Variants in CAVIN1 observed in about 807,000 individuals in gnomAD.
CAVIN1 encodes the protein caveolae associated protein 1.
CAVIN1 carries 16 observed loss-of-function variants against 24.0 expected under a neutral mutation model. The observed-to-expected ratio is 0.67, with a 90% confidence interval of 0.45 to 1.01. The LOEUF (loss-of-function observed/expected upper bound fraction) is 1.01. CAVIN1 is among the 50% of genes least tolerant of loss of function. CAVIN1 has a pLI of 0.00. For missense variants in CAVIN1, 510 were observed against 551.7 expected (o/e 0.92, Z 0.76); for synonymous variants, 256 against 256.4 (o/e 1.00, Z 0.02).
At chr17:42,414,468 G>T (rs761340435) in intron 1 of CAVIN1, among the ~76,000 whole-genome samples, 5 of 151,594 alleles carry the variant, frequency 3.3e-5, no homozygotes, top group Non-Finnish European at 5.9e-5. Context: ...CAAACTCCTA[G>T]TCTCAAGCAA....
chr17:42,404,513 C>A lies in CAVIN1; in HGVS notation c.*174G>T. 1 of 486,204 alleles carries A rather than the reference C, an allele frequency of 2.1e-6. No individual in the cohort carries two copies. Among genetic ancestry groups the A allele is most frequent in the South Asian group, 3.0e-5 (1 of 33,002 alleles). 30.1% of individuals were successfully genotyped at this position (486,204 alleles called of 1,614,324 possible). A position where few individuals can be genotyped will look rare whatever the true frequency, so the allele number is the denominator to read the frequency against. On this transcript the variant is annotated 3_prime_UTR_variant, in exon 2 of 2. Transcript: ENST00000357037. ...AAGCGGGGGTTGTCCACTGCGGGGG[C>A]TGCCTCCCCATCGGGTCCTAACAGC...
chr17:42,421,064 C>T (rs918711994), intron 1 of CAVIN1, among the ~76,000 whole-genome samples: 1 of 152,096 alleles, frequency 6.6e-6, no homozygotes, highest in Non-Finnish European at 1.5e-5. Context: ...CTAAATAGTG[C>T]TTAAGTAGGG....
Position 42,423,048 on chromosome 17 carries a change from G to T in CAVIN1, c.50C>A (p.Pro17His). Residue 17 changes from proline to histidine, a missense_variant, in exon 1 of 2, where the codon CCC becomes CAC. By Grantham distance (77) the Pro-to-His change is moderately conservative. Coordinates refer to ENST00000357037, the MANE Select transcript of CAVIN1 (RefSeq NM_012232.6). Reference protein sequence around the residue: ...YIVERPLPGYPDAEAPEPSSA... With the variant: ...YIVERPLPGYHDAEAPEPSSA... ...GGAAGGCTCCGGGGCCTCGGCGTCG[G>T]GGTACCCGGGAAGCGGCCGCTCGAC... 6.2e-7 allele frequency: 1 copy of T among 1,609,378 alleles called. No homozygotes were observed. The highest frequency in any genetic ancestry group is 8.5e-7 in the Non-Finnish European group (1 of 1,178,424).
In CAVIN1 at chr17:42,422,967, A is replaced by G. The variant is rs1423821820; in HGVS notation, c.131T>C (p.Ile44Thr). Residue 44 changes from isoleucine (I) to threonine (T), a missense_variant, in exon 1 of 2, where the codon ATC (isoleucine) becomes ACC (threonine). Coordinates refer to ENST00000357037, the MANE Select transcript of CAVIN1 (RefSeq NM_012232.6). ...CACGCCGTTCACCTGGTCCGACTTGATCAGCTCTTCTGAGCCGGCCCCCGA... is the reference window on the plus strand; with the variant it reads ...CACGCCGTTCACCTGGTCCGACTTGGTCAGCTCTTCTGAGCCGGCCCCCGA... ...EPSGAGSEELIKSDQVNGVLV... is the reference protein window; with the variant it reads ...EPSGAGSEELTKSDQVNGVLV... 1.2e-6 allele frequency: 2 copies of G among 1,613,854 alleles called. No individual in the cohort carries two copies. Among genetic ancestry groups the G allele is most frequent in the East Asian group, 4.5e-5 (2 of 44,872 alleles).
In CAVIN1 at chr17:42,422,728, C is replaced by T. The variant is rs1441613382; in HGVS notation, c.370G>A (p.Val124Met). 1 of 1,610,438 alleles carries T rather than the reference C, an allele frequency of 6.2e-7. No individual in the cohort carries two copies. The highest frequency in any genetic ancestry group is 2.2e-5 in the East Asian group (1 of 44,746). ...GCCTGGCGCTCCAGGCTGCCGCGCA[C>T]GGTCTTCACGTTGACGCTGACCTTG... is the stretch of plus-strand genomic sequence containing the variant. Reference protein sequence around the residue: ...VRKVSVNVKTVRGSLERQAGQ... With the variant: ...VRKVSVNVKTMRGSLERQAGQ... Residue 124 changes from valine (V) to methionine (M), a missense_variant, in exon 1 of 2, where the codon GTG becomes ATG. Transcript: ENST00000357037.
At chr17:42,415,315 A>C (rs2085505458) in intron 1 of CAVIN1, among the ~76,000 whole-genome samples, 1 of 152,208 alleles carries the variant, frequency 6.6e-6, no homozygotes, top group African/African-American at 2.4e-5. Context: ...CAATCACTTG[A>C]GTGACAATAG....
chr17:42,407,155 C>G lies in CAVIN1; in HGVS notation c.472-1767G>C, dbSNP rs533249902. Among the ~76,000 whole-genome samples, 37 of 152,166 alleles carry G rather than the reference C, an allele frequency of 2.4e-4. No individual in the cohort carries two copies. The South Asian group carries it at 3.7e-3, about 15-fold the overall frequency. On this transcript the variant is annotated intron_variant, in intron 1 of 1. Coordinates refer to ENST00000357037, the MANE Select transcript of CAVIN1 (RefSeq NM_012232.6). ...AGAATCTCTGGATCACTCCCTCCCC[C>G]ACCTCCACCCTCATCAGAGAGCAGG...
intron 1 of CAVIN1, chr17:42,411,694 A>C: frequency 6.1e-6 from 6 of 985,466 alleles, no homozygotes; most frequent in Non-Finnish European, 7.2e-6. Flanking sequence ...GCTTTGAGCC[A>C]AACTGGGTTG....
chr17:42,407,531 A>G (rs941593077), intron 1 of CAVIN1, among the ~76,000 whole-genome samples: 3 of 152,018 alleles, frequency 2.0e-5, no homozygotes, highest in Non-Finnish European at 4.4e-5. Context: ...AAAACTAGGA[A>G]CACCCTCTCC....
intron 1 of CAVIN1, among the ~76,000 whole-genome samples, chr17:42,413,985 C>T (rs1484784862): frequency 1.3e-5 from 2 of 152,084 alleles, no homozygotes; most frequent in Non-Finnish European, 2.9e-5. Flanking sequence ...GCAACCTCTG[C>T]CTCCTGAGTT....
intron 1 of CAVIN1, among the ~76,000 whole-genome samples, chr17:42,421,873 C>T (rs2085549368): frequency 6.6e-6 from 1 of 152,090 alleles, no homozygotes; most frequent in Non-Finnish European, 1.5e-5. Context: ...ACCCACTCCA[C>T]CAGCCCCTCT....
In CAVIN1 at chr17:42,414,064, A is replaced by AT. The variant is rs532375454; in HGVS notation, c.471+8562dup. ...AGGTGTGTGCCACCATGCCCGGCTA[A>AT]TTTTTTTTGTATTTTTGGTAGAGAC... On this transcript the variant is annotated intron_variant, in intron 1 of 1. Coordinates refer to ENST00000357037, the MANE Select transcript of CAVIN1 (RefSeq NM_012232.6). 8.6e-5 allele frequency among the ~76,000 whole-genome samples: 13 copies of AT among 151,960 alleles called. No homozygotes were observed. In the South Asian group the frequency reaches 1.2e-3, roughly 15 times the overall value.
At chr17:42,412,216 G>T (rs2085483138) in intron 1 of CAVIN1, 8 of 985,060 alleles carry the variant, frequency 8.1e-6, no homozygotes, top group Non-Finnish European at 9.6e-6. Flanking sequence ...CTTGGGTGTG[G>T]CCAGGTCAGA....
intron 1 of CAVIN1, among the ~76,000 whole-genome samples, chr17:42,410,473 A>G (rs2085468863): frequency 6.6e-6 from 1 of 152,142 alleles, no homozygotes; most frequent in African/African-American, 2.4e-5. Flanking sequence ...TGCATCCAAA[A>G]GGGTGAAAAC....
chr17:42,410,892 CAAAAAAAAAAAAAAAAAAAAAAAA>C (rs774857493), intron 1 of CAVIN1, among the ~76,000 whole-genome samples: 2 of 76,374 alleles, frequency 2.6e-5, no homozygotes, highest in South Asian at 9.1e-4. Context: ...GACTCTGTCT[CAAAAAAAAAAAAAAAAAAAAAAAA>C]AAAAAAAAAA....
Position 42,422,971 on chromosome 17 carries a change from G to C in CAVIN1, c.127C>G (p.Leu43Val). 6.2e-7 allele frequency: 1 copy of C among 1,613,854 alleles called. No individual in the cohort carries two copies. The highest frequency in any genetic ancestry group is 8.5e-7 in the Non-Finnish European group (1 of 1,179,986). The change falls in exon 1 of 2, where the codon CTG (leucine) becomes GTG (valine). Residue 43 changes from leucine to valine, a missense_variant. Leu to Val is a conservative substitution (Grantham distance 32, BLOSUM62 1). Coordinates refer to ENST00000357037, the MANE Select transcript of CAVIN1 (RefSeq NM_012232.6). ...CCGTTCACCTGGTCCGACTTGATCA[G>C]CTCTTCTGAGCCGGCCCCCGACGGC... ...EEPSGAGSEELIKSDQVNGVL... is the reference protein window; with the variant it reads ...EEPSGAGSEEVIKSDQVNGVL...
intron 1 of CAVIN1, among the ~76,000 whole-genome samples, chr17:42,411,203 A>AAAAAAAAAAAAAAAAAAAAAAAC (rs1555586974): frequency 8.8e-5 from 13 of 147,292 alleles, no homozygotes; most frequent in African/African-American, 3.0e-4. Flanking sequence ...AAAAAAAAAA[A>AAAAAAAAAAAAAAAAAAAAAAAC]AAAAAACTAA....
rs999234485 is a variant in CAVIN1 at position 42,411,351 on chromosome 17, C to T, written c.472-5963G>A. ...GAGGATCACTTGAGCCCCAGGAGTT[C>T]AGAACCAGCCTGGGCAACACAGTCC... On this transcript the variant is annotated intron_variant, in intron 1 of 1. Transcript: ENST00000357037. 58 of 799,588 alleles carry T rather than the reference C, an allele frequency of 7.3e-5. No homozygotes were observed. In the Middle Eastern group the frequency reaches 2.6e-3, roughly 36 times the overall value. 49.5% of individuals were successfully genotyped at this position (799,588 alleles called of 1,614,324 possible). A position where few individuals can be genotyped will look rare whatever the true frequency, so the allele number is the denominator to read the frequency against.
At chr17:42,410,279 A>T (rs2085467924) in intron 1 of CAVIN1, among the ~76,000 whole-genome samples, 1 of 152,060 alleles carries the variant, frequency 6.6e-6, no homozygotes, top group African/African-American at 2.4e-5. Context: ...TAATTCAGAG[A>T]CCCAGGATCT....
Sources: gnomAD v4.1 joint callset for allele counts (sites outside exome capture counted in the v4.1 genomes callset) on GRCh38, gnomAD v4.1.1 for gene constraint, MANE v1.5 for transcripts, NCBI Gene and HGNC (gene_info 2026-07-23, HGNC 2026-07-21) for gene names.